Variants in LAMA1 observed in about 807,000 individuals in gnomAD.
LAMA1 encodes the protein laminin subunit alpha-1.
LAMA1 carries 219 observed loss-of-function variants against 348.7 expected under a neutral mutation model. The ratio of observed to expected loss-of-function variants is 0.63; its 90% CI spans 0.56 to 0.70. The LOEUF is 0.70. LAMA1 is among the 30% of genes least tolerant of loss of function. The pLI is 0.00. For missense variants in LAMA1, 3,744 were observed against 3,888.0 expected (o/e 0.96, Z 0.99); for synonymous variants, 1,487 against 1,491.0 (o/e 1.00, Z 0.06).
intron 30 of LAMA1, among the ~76,000 whole-genome samples, chr18:7,000,651 T>C (rs912828517): frequency 2.6e-5 from 4 of 152,210 alleles, no homozygotes; most frequent in African/African-American, 9.7e-5. Context: ...TCCTCTACCC[T>C]CTGCCTTCAC....
rs565822529 is a variant in LAMA1 at position 6,949,386 on chromosome 18, A to G, written c.8398-127T>C. The G allele has an allele frequency of 9.6e-5, 92 of 960,548 alleles. No individual in the cohort carries two copies. The African/African-American group carries it at 1.2e-3, about 13-fold the overall frequency. 59.5% of individuals were successfully genotyped at this position (960,548 alleles called of 1,614,324 possible). On this transcript the variant is annotated intron_variant, in intron 58 of 62. Transcript: ENST00000389658. ...AACAACCTGAATGCAATGCTAAAGG[A>G]AGGTTCAAATTTTTAGACAGTTGGT...
At chr18:7,019,738 G>A (rs550842369) in intron 19 of LAMA1, among the ~76,000 whole-genome samples, 106 of 139,110 alleles carry the variant, frequency 7.6e-4, no homozygotes, top group African/African-American at 2.7e-3. Flanking sequence ...CTGGAGTGCC[G>A]TGGCGCAATC....
intron 5 of LAMA1, among the ~76,000 whole-genome samples, chr18:7,048,444 G>T (rs1336542585): frequency 6.6e-6 from 1 of 152,060 alleles, no homozygotes; most frequent in African/African-American, 2.4e-5. Context: ...TAGAGTTGAG[G>T]TCTCACTCTA....
In LAMA1 at chr18:6,995,481, C is replaced by T. The variant is rs114390415; in HGVS notation, c.4807-35G>A. 2,821 of 1,114,690 alleles carry T rather than the reference C, an allele frequency of 2.5e-3. 30 individuals are homozygous for T. The African/African-American group carries it at 0.029, about 11-fold the overall frequency. 69.0% of individuals were successfully genotyped at this position (1,114,690 alleles called of 1,614,324 possible). A position where few individuals can be genotyped will look rare whatever the true frequency, so the allele number is the denominator to read the frequency against. Reference sequence around the variant, plus strand: ...ATGGAGGAAACAAATTACAATGCTTCGAAGTAAAATGTTCTGATTCTTAAC... The same window carrying T: ...ATGGAGGAAACAAATTACAATGCTTTGAAGTAAAATGTTCTGATTCTTAAC... On this transcript the variant is annotated intron_variant, in intron 33 of 62. Coordinates refer to ENST00000389658, the MANE Select transcript of LAMA1 (RefSeq NM_005559.4).
intron 42 of LAMA1, among the ~76,000 whole-genome samples, chr18:6,979,133 A>G (rs2057696747): frequency 6.6e-6 from 1 of 152,180 alleles, no homozygotes; most frequent in African/African-American, 2.4e-5. Flanking sequence ...AATTATTTTC[A>G]AATAAAAACG....
At chr18:6,980,110 T>C (rs919487440) in intron 42 of LAMA1, among the ~76,000 whole-genome samples, 2 of 152,182 alleles carry the variant, frequency 1.3e-5, no homozygotes, top group African/African-American at 4.8e-5. Context: ...CTGAGGAAGA[T>C]GGCCAAGCGA....
chr18:7,053,859 C>T (rs927412369), intron 3 of LAMA1, among the ~76,000 whole-genome samples: 6 of 151,252 alleles, frequency 4.0e-5, no homozygotes, highest in South Asian at 2.1e-4. Flanking sequence ...TATCAGCTCA[C>T]GGCAGTCCCA....
intron 1 of LAMA1, among the ~76,000 whole-genome samples, chr18:7,111,714 G>C (rs2143837338): frequency 6.6e-6 from 1 of 152,196 alleles, no homozygotes; most frequent in Admixed American, 6.5e-5. Flanking sequence ...TGATATTTTA[G>C]AAATAAAACA....
chr18:6,949,444 G>A (rs137956197), intron 58 of LAMA1, among the ~76,000 whole-genome samples, 185 bp from the exon 59 acceptor site: 1 of 152,308 alleles, frequency 6.6e-6, no homozygotes, highest in East Asian at 1.9e-4. Flanking sequence ...CAGAAGAAAG[G>A]AGGCAGGTAT....
chr18:7,112,601 T>A (rs1486492482), intron 1 of LAMA1, among the ~76,000 whole-genome samples: 1 of 144,174 alleles, frequency 6.9e-6, no homozygotes, highest in Non-Finnish European at 1.5e-5. Context: ...TTAAAATATA[T>A]ATATATACAC....
At position 6,974,999 on chromosome 18, in the gene LAMA1, A is replaced by C. The variant is rs758571782; in HGVS notation, c.6527T>G (p.Val2176Gly). 2 of 1,613,600 alleles carry C rather than the reference A, an allele frequency of 1.2e-6. No individual in the cohort carries two copies. The highest frequency in any genetic ancestry group is 4.5e-5 in the East Asian group (2 of 44,824). ...GGAGCCCAGGTCCCACAGGAAGGCC[A>C]CTCTCCCTCGCCGCATCTCCACTGC... ...FLAVEMRRGR[V>G]AFLWDLGSGS... The change falls in exon 46 of 63, where the codon GTG (valine) becomes GGG (glycine). Residue 2176 changes from valine to glycine, a missense_variant. By Grantham distance (109) the Val-to-Gly change is moderately radical. This residue lies in a region of LAMA1 where 1,983 missense variants were observed against 1,934.3 expected (regional missense o/e 1.03). Transcript: ENST00000389658.
chr18:6,996,528 T>C (rs1312822209), intron 33 of LAMA1, among the ~76,000 whole-genome samples: 1 of 152,088 alleles, frequency 6.6e-6, no homozygotes, highest in Non-Finnish European at 1.5e-5. Context: ...ATCCCAGAAA[T>C]TTGAGAGGTC....
intron 33 of LAMA1, 93 bp from the exon 34 acceptor site, chr18:6,995,539 G>T: frequency 1.3e-6 from 1 of 766,954 alleles, no homozygotes; most frequent in Non-Finnish European, 2.3e-6. Context: ...TTTGTTCACA[G>T]AAAGAAATTC....
intron 3 of LAMA1, among the ~76,000 whole-genome samples, chr18:7,054,232 T>C (rs1370955756): frequency 2.6e-5 from 4 of 152,210 alleles, no homozygotes; most frequent in African/African-American, 9.6e-5. Context: ...ATCCTCAGTA[T>C]TCTGGTTTCC....
intron 30 of LAMA1, among the ~76,000 whole-genome samples, chr18:7,000,227 C>T (rs926377528): frequency 6.6e-6 from 1 of 152,194 alleles, no homozygotes; most frequent in African/African-American, 2.4e-5. Flanking sequence ...TGTCCAGGGA[C>T]AATCATGTGA....
intron 3 of LAMA1, among the ~76,000 whole-genome samples, chr18:7,063,692 CA>C (rs1198658629): frequency 2.6e-5 from 4 of 152,188 alleles, no homozygotes; most frequent in African/African-American, 9.7e-5. Context: ...AATTGTAATA[CA>C]TGCTACAACA....
At chr18:6,976,126 C>T (rs528028588) in intron 44 of LAMA1, 46 bp from the exon 45 acceptor site, 2 of 1,604,210 alleles carry the variant, frequency 1.2e-6, no homozygotes, top group South Asian at 1.1e-5. Context: ...GTGACACACA[C>T]CGGCAGCTCA....
intron 16 of LAMA1, among the ~76,000 whole-genome samples, chr18:7,030,633 A>G (rs1354546827): frequency 6.6e-6 from 1 of 152,326 alleles, no homozygotes; most frequent in Non-Finnish European, 1.5e-5. Flanking sequence ...CTGTAAGTCT[A>G]AAATTATTTC....
intron 57 of LAMA1, among the ~76,000 whole-genome samples, chr18:6,953,412 T>C (rs757354778): frequency 6.6e-6 from 1 of 152,268 alleles, no homozygotes; most frequent in Non-Finnish European, 1.5e-5. Context: ...TCTCTTCCTG[T>C]GCCTAATTTA....
Sources: allele counts gnomAD v4.1 joint callset (sites outside exome capture counted in the v4.1 genomes callset), GRCh38; gene constraint gnomAD v4.1.1; regional missense constraint gnomAD v4.1.1; transcripts MANE v1.5; gene names NCBI Gene and HGNC (gene_info 2026-07-23, HGNC 2026-07-21).